The following PRELID2 variants were observed in gnomAD, a reference collection of about 807,000 sequenced individuals.
PRELID2 encodes the protein PRELI domain-containing protein 2.
PRELID2 carries 25 observed loss-of-function variants against 28.4 expected under a neutral mutation model. That is an observed-to-expected ratio of 0.88 (90% CI 0.64 to 1.23). The LOEUF (loss-of-function observed/expected upper bound fraction) is 1.23, where lower values mean the gene tolerates loss of function less well. Ranked by LOEUF, PRELID2 falls within the 50% of genes most tolerant of loss-of-function variation. The pLI, the probability that PRELID2 is intolerant of heterozygous loss-of-function variation, is 0.00. For synonymous variants in PRELID2, 76 were observed against 71.6 expected, an observed-to-expected ratio of 1.06 and a Z score of -0.31; for missense variants, 201 against 214.4, an observed-to-expected ratio of 0.94 and a Z score of 0.39.
chr5:145,412,188 G>A, the PRELID2 span, among the ~76,000 whole-genome samples: 9 of 152,266 alleles, frequency 5.9e-5, no homozygotes, highest in South Asian at 2.1e-4. Context: ...TTCTGCAGCC[G>A]TCTTGAATTT....
chr5:145,509,190 C>T (rs1286226301), intron 1 of PRELID2, among the ~76,000 whole-genome samples: 1 of 152,166 alleles, frequency 6.6e-6, no homozygotes, highest in Non-Finnish European at 1.5e-5. Context: ...GCAATGACAA[C>T]TGCTATGTGT....
At chr5:145,383,357 T>G in the PRELID2 span, among the ~76,000 whole-genome samples, 1 of 149,780 alleles carries the variant, frequency 6.7e-6, no homozygotes. Context: ...CATACACACG[T>G]CCATATATAT....
At chr5:145,737,320 T>C (rs1333162103) in intron 1 of PRELID2, among the ~76,000 whole-genome samples, 3 of 151,772 alleles carry the variant, frequency 2.0e-5, no homozygotes, top group Non-Finnish European at 4.4e-5. Flanking sequence ...ATGTTTCCGC[T>C]GAGAAATAAA....
intron 5 of PRELID2, among the ~76,000 whole-genome samples, chr5:145,786,325 C>T (rs947785823): frequency 6.6e-6 from 1 of 152,112 alleles, no homozygotes; most frequent in Non-Finnish European, 1.5e-5. Context: ...TGACTTTCTT[C>T]TAATGAAAAG....
intron 4 of PRELID2, among the ~76,000 whole-genome samples, chr5:145,796,808 T>C (rs929016357): frequency 2.2e-4 from 34 of 152,278 alleles, no homozygotes; most frequent in Middle Eastern, 6.8e-3. Flanking sequence ...TAATTATCAA[T>C]GATATGACCT....
intron 1 of PRELID2, among the ~76,000 whole-genome samples, chr5:145,478,965 T>G (rs1021407091): frequency 6.6e-6 from 1 of 152,128 alleles, no homozygotes; most frequent in Non-Finnish European, 1.5e-5. Context: ...CCTCTAACAA[T>G]ACCCAGAAGT....
intron 1 of PRELID2, among the ~76,000 whole-genome samples, chr5:145,528,723 A>G (rs1414737130): frequency 4.0e-5 from 2 of 50,466 alleles, no homozygotes; most frequent in African/African-American, 1.3e-4. Flanking sequence ...ACACACACAC[A>G]CACAGAGAGA....
At chr5:145,287,333 G>C in the PRELID2 span, among the ~76,000 whole-genome samples, 6 of 152,092 alleles carry the variant, frequency 3.9e-5, no homozygotes, top group African/African-American at 1.4e-4. Flanking sequence ...TGTAATAAAG[G>C]TTATATGAAT....
intron 5 of PRELID2, among the ~76,000 whole-genome samples, chr5:145,769,790 G>A (rs1200678009): frequency 6.6e-6 from 1 of 152,192 alleles, no homozygotes; most frequent in African/African-American, 2.4e-5. Flanking sequence ...ACGTGGAACA[G>A]GGATGCAGAT....
the PRELID2 span, among the ~76,000 whole-genome samples, chr5:145,270,270 C>G: frequency 6.6e-6 from 1 of 152,018 alleles, no homozygotes; most frequent in Non-Finnish European, 1.5e-5. Flanking sequence ...ATATGTGACC[C>G]TAAAATACAC....
the PRELID2 span, among the ~76,000 whole-genome samples, chr5:145,267,801 A>G: frequency 6.6e-6 from 1 of 152,196 alleles, no homozygotes; most frequent in Non-Finnish European, 1.5e-5. Flanking sequence ...CTTTTTCTGC[A>G]CAACCTCACC....
At chr5:145,653,026 C>A (rs1350068838) in intron 1 of PRELID2, among the ~76,000 whole-genome samples, 1 of 152,056 alleles carries the variant, frequency 6.6e-6, no homozygotes, top group Non-Finnish European at 1.5e-5. Flanking sequence ...CAGAGACACA[C>A]ATAGGCTCAA....
the PRELID2 span, among the ~76,000 whole-genome samples, chr5:145,413,250 T>C: frequency 7.2e-5 from 11 of 152,270 alleles, no homozygotes; most frequent in East Asian, 1.7e-3. Context: ...ACATCACTAA[T>C]GATCAAGGAA....
chr5:145,766,689 C>A (rs529430952), intron 5 of PRELID2, among the ~76,000 whole-genome samples: 1 of 152,234 alleles, frequency 6.6e-6, no homozygotes, highest in East Asian at 1.9e-4. Context: ...CCAGGAGCAC[C>A]ACTGTCAGAG....
intron 1 of PRELID2, among the ~76,000 whole-genome samples, chr5:145,695,675 C>T (rs7717182): frequency 0.035 from 5,372 of 152,142 alleles, 347 homozygotes; most frequent in African/African-American, 0.12. Context: ...CAAAATGGCT[C>T]GTTTACACAG....
chr5:145,543,343 A>G (rs954417224), intron 1 of PRELID2, among the ~76,000 whole-genome samples: 1 of 152,010 alleles, frequency 6.6e-6, no homozygotes. Context: ...TATTTTATTT[A>G]TTTGTTTCTT....
chr5:145,637,919 T>C (rs937977532), intron 1 of PRELID2, among the ~76,000 whole-genome samples: 14 of 151,570 alleles, frequency 9.2e-5, no homozygotes, highest in Non-Finnish European at 1.6e-4. Flanking sequence ...CAAGCGATTC[T>C]CCTGCCTCTG....
At chr5:145,293,342 T>C in the PRELID2 span, among the ~76,000 whole-genome samples, 6 of 152,144 alleles carry the variant, frequency 3.9e-5, no homozygotes, top group African/African-American at 1.4e-4. Context: ...AATAAGAAAA[T>C]GTCTAATTTG....
At chr5:145,403,169 T>C in the PRELID2 span, among the ~76,000 whole-genome samples, 3 of 152,132 alleles carry the variant, frequency 2.0e-5, no homozygotes, top group Non-Finnish European at 4.4e-5. Flanking sequence ...ACCAAACTCT[T>C]CTAAGGTGGA....
Sources: gnomAD v4.1 joint callset for allele counts (sites outside exome capture counted in the v4.1 genomes callset) on GRCh38, gnomAD v4.1.1 for gene constraint, MANE v1.5 for transcripts, NCBI Gene and HGNC (gene_info 2026-07-23, HGNC 2026-07-21) for gene names.